The following PCDH9 variants were observed in gnomAD, a reference collection of about 807,000 sequenced individuals.
PCDH9 encodes protocadherin-9.
A neutral mutation model predicts 70.6 loss-of-function variants in PCDH9; 24 were observed. That is an observed-to-expected ratio of 0.34 (90% CI 0.25 to 0.48). PCDH9 has a LOEUF of 0.48. Ranked by LOEUF, PCDH9 falls within the 20% of genes least tolerant of loss-of-function variation. PCDH9 has a pLI of 0.99. For synonymous variants in PCDH9, 562 were observed against 558.5 expected (o/e 1.01, Z -0.09); for missense variants, 1,281 against 1,503.6 (o/e 0.85, Z 2.45).
chr13:66,590,428 A>G (rs1055259717), intron 4 of PCDH9, among the ~76,000 whole-genome samples: 5 of 151,976 alleles, frequency 3.3e-5, no homozygotes, highest in Non-Finnish European at 4.4e-5. Context: ...TTTCAAAGTT[A>G]TCTAAGTTCA....
intron 4 of PCDH9, among the ~76,000 whole-genome samples, chr13:66,582,450 T>C (rs918432394): frequency 3.3e-5 from 5 of 152,044 alleles, no homozygotes; most frequent in African/African-American, 1.2e-4. Flanking sequence ...CTGGACAACA[T>C]GGCAAAACCC....
intron 3 of PCDH9, among the ~76,000 whole-genome samples, chr13:66,736,556 G>C (rs1041680981): frequency 1.3e-5 from 2 of 152,130 alleles, no homozygotes; most frequent in Admixed American, 6.5e-5. Flanking sequence ...TTTTGTTATT[G>C]TGACATTTTA....
At chr13:66,991,618 T>C (rs1267035253) in intron 2 of PCDH9, among the ~76,000 whole-genome samples, 2 of 152,100 alleles carry the variant, frequency 1.3e-5, no homozygotes, top group Non-Finnish European at 2.9e-5. Flanking sequence ...ACTTTTTAAT[T>C]CCATTAACAT....
chr13:66,562,963 T>A (rs143721881), intron 4 of PCDH9, among the ~76,000 whole-genome samples: 2 of 152,134 alleles, frequency 1.3e-5, no homozygotes, highest in African/African-American at 2.4e-5. Flanking sequence ...ATATATAGTA[T>A]ATATAGTAAT....
intron 4 of PCDH9, among the ~76,000 whole-genome samples, chr13:66,624,593 A>G (rs9529106): frequency 0.46 from 69,890 of 152,028 alleles, 16,937 homozygotes; most frequent in East Asian, 0.6. Flanking sequence ...GTGGTTAACA[A>G]TTTTATTGCT....
intron 3 of PCDH9, among the ~76,000 whole-genome samples, chr13:66,772,939 T>C (rs2079831595): frequency 6.6e-6 from 1 of 151,994 alleles, no homozygotes; most frequent in Non-Finnish European, 1.5e-5. Context: ...ACAAGTATAG[T>C]TTCAGTCATT....
At chr13:66,966,236 T>C (rs1196097287) in intron 2 of PCDH9, among the ~76,000 whole-genome samples, 1 of 152,104 alleles carries the variant, frequency 6.6e-6, no homozygotes, top group Non-Finnish European at 1.5e-5. Flanking sequence ...CGTTTCCAAA[T>C]AGGGACAATA....
intron 3 of PCDH9, among the ~76,000 whole-genome samples, chr13:66,713,903 G>T (rs2078833512): frequency 6.6e-6 from 1 of 151,952 alleles, no homozygotes; most frequent in Non-Finnish European, 1.5e-5. Flanking sequence ...TCTGTGTAAT[G>T]TAAGGACATA....
intron 4 of PCDH9, among the ~76,000 whole-genome samples, chr13:66,595,671 A>T (rs1450352994): frequency 6.6e-6 from 1 of 151,764 alleles, no homozygotes; most frequent in East Asian, 1.9e-4. Flanking sequence ...GAAACCAAGA[A>T]TTCAGGATAT....
rs528406200 is a variant in PCDH9, at chr13:66,662,473, CA to C, written c.3139-31063del. Among the ~76,000 whole-genome samples, 84 of 131,232 alleles carry C rather than the reference CA, an allele frequency of 6.4e-4. No individual in the cohort carries two copies. The South Asian group carries it at 0.011, about 18-fold the overall frequency. The allele number at this position is 131,232 out of a possible 152,430, so 86.1% of individuals were successfully genotyped here. ...GGGCAACAAAAGTGAAACTCCGTCT[CA>C]AAAAAAAAAAGAATGTCACATAAAT... On this transcript the variant is annotated intron_variant, in intron 3 of 4. Transcript: ENST00000377865.
intron 2 of PCDH9, among the ~76,000 whole-genome samples, chr13:66,953,189 G>A (rs2083211938): frequency 6.6e-6 from 1 of 151,490 alleles, no homozygotes; most frequent in Admixed American, 6.6e-5. Flanking sequence ...CATGTTAGAG[G>A]CACTAGTCCA....
intron 2 of PCDH9, among the ~76,000 whole-genome samples, chr13:67,021,245 T>C (rs924960778): frequency 2.0e-5 from 3 of 152,152 alleles, no homozygotes; most frequent in Non-Finnish European, 4.4e-5. Flanking sequence ...TACTTTGCAA[T>C]ACCTGTAATC....
chr13:66,747,676 A>C (rs1342918190), intron 3 of PCDH9, among the ~76,000 whole-genome samples: 1 of 152,198 alleles, frequency 6.6e-6, no homozygotes, highest in Non-Finnish European at 1.5e-5. Context: ...TATAATCAAA[A>C]AAACATAATC....
intron 3 of PCDH9, among the ~76,000 whole-genome samples, chr13:66,637,552 T>A (rs2077654567): frequency 6.6e-6 from 1 of 152,326 alleles, no homozygotes; most frequent in Non-Finnish European, 1.5e-5. Flanking sequence ...TTATTGGAAG[T>A]ACTTATGTTA....
rs79050352 is a variant in PCDH9, at chr13:66,534,041, A to G, written c.3340+97169T>C. 4.4e-3 allele frequency among the ~76,000 whole-genome samples: 667 copies of G among 152,260 alleles called. 26 individuals are homozygous for G. In the East Asian group the frequency reaches 0.085, roughly 19 times the overall value. On this transcript the variant is annotated intron_variant, in intron 4 of 4. Transcript: ENST00000377865. ...CCTTACCATGGCTTTTAGAAGTGGTATTTTCATTAATGTATATTGAGATTT... is the reference window on the plus strand; with the variant it reads ...CCTTACCATGGCTTTTAGAAGTGGTGTTTTCATTAATGTATATTGAGATTT...
rs542305400 is a variant in PCDH9, at chr13:66,321,383, C to T, written c.3341-16355G>A. Reference sequence around the variant, plus strand: ...AATCACAACAGCAAATTACATTTTCCTCATATAAAGATGAGATTTTTAAAG... The same window carrying T: ...AATCACAACAGCAAATTACATTTTCTTCATATAAAGATGAGATTTTTAAAG... On this transcript the variant is annotated intron_variant, in intron 4 of 4. Transcript: ENST00000377865. 2.0e-5 allele frequency among the ~76,000 whole-genome samples: 3 copies of T among 152,060 alleles called. No individual in the cohort carries two copies. The East Asian group carries it at 5.8e-4, about 29-fold the overall frequency.
intron 4 of PCDH9, among the ~76,000 whole-genome samples, chr13:66,332,968 A>T (rs987084477): frequency 1.3e-5 from 2 of 152,038 alleles, no homozygotes; most frequent in African/African-American, 4.8e-5. Flanking sequence ...CTCTCTTAGC[A>T]TTTAAGGCAT....
At chr13:67,062,191 C>T (rs1334509107) in intron 2 of PCDH9, among the ~76,000 whole-genome samples, 1 of 151,954 alleles carries the variant, frequency 6.6e-6, no homozygotes, top group Non-Finnish European at 1.5e-5. Context: ...TTTATTTGCC[C>T]AAACAGATAG....
chr13:66,945,027 A>G (rs1461914199), intron 2 of PCDH9, among the ~76,000 whole-genome samples: 2 of 152,048 alleles, frequency 1.3e-5, no homozygotes, highest in East Asian at 3.9e-4. Flanking sequence ...TCTTTGGCAT[A>G]TTGAATATCT....
Sources: allele counts gnomAD v4.1 joint callset (sites outside exome capture counted in the v4.1 genomes callset), GRCh38; gene constraint gnomAD v4.1.1; transcripts MANE v1.5; gene names NCBI Gene and HGNC (gene_info 2026-07-23, HGNC 2026-07-21).